CR1: variants seen among roughly 807,000 people sequenced by gnomAD.
CR1 encodes the protein complement C3b/C4b receptor 1 (Knops blood group).
In CR1, 116 loss-of-function variants were observed where a neutral mutation model predicts 187.3. The ratio of observed to expected loss-of-function variants is 0.62; its 90% confidence interval spans 0.53 to 0.72. The LOEUF (loss-of-function observed/expected upper bound fraction) is 0.72, where lower values mean the gene tolerates loss of function less well. CR1 is among the 30% of genes least tolerant of loss of function. The pLI is 0.00. For synonymous variants in CR1, 576 were observed against 747.1 expected (o/e 0.77, Z 3.73); for missense variants, 1,731 against 2,110.7 (o/e 0.82, Z 3.52).
intron 27 of CR1, among the ~76,000 whole-genome samples, chr1:207,574,074 A>C (rs938330670): frequency 3.3e-5 from 5 of 152,210 alleles, no homozygotes; most frequent in African/African-American, 1.2e-4. Flanking sequence ...CTGAGGCTTC[A>C]GTGAGCCTTG....
rs555364798 is a variant in CR1, at chr1:207,564,899, G to T, written c.3866+665G>T. Among the ~76,000 whole-genome samples the T allele has an allele frequency of 6.0e-5, 9 of 150,442 alleles. No individual in the cohort carries two copies. In the East Asian group the frequency reaches 1.7e-3, roughly 29 times the overall value. On this transcript the variant is annotated intron_variant, in intron 23 of 46. Coordinates refer to ENST00000367049, the MANE Select transcript of CR1 (RefSeq NM_000651.6). ...TGAAAAGCTTATTATTAAAAGCTAG[G>T]ATCCTTTAAGAATCATTTCAGTAAA...
At chr1:207,613,097 C>A (rs1221048764) in intron 39 of CR1, among the ~76,000 whole-genome samples, 1 of 152,062 alleles carries the variant, frequency 6.6e-6, no homozygotes, top group African/African-American at 2.4e-5. Flanking sequence ...TTTGTACCTG[C>A]GTTTGGTGGG....
intron 35 of CR1, among the ~76,000 whole-genome samples, chr1:207,590,501 A>G (rs560627779): frequency 8.1e-4 from 123 of 152,354 alleles, no homozygotes; most frequent in Non-Finnish European, 1.5e-3. Flanking sequence ...AGCCACTGCA[A>G]AAACATACCA....
At chr1:207,523,247 T>C (rs1660053165) in intron 4 of CR1, among the ~76,000 whole-genome samples, 1 of 152,204 alleles carries the variant, frequency 6.6e-6, no homozygotes, top group Non-Finnish European at 1.5e-5. Flanking sequence ...TTGTATTTTA[T>C]TTTTCTAAAA....
At chr1:207,619,621 C>T (rs771906279) in intron 42 of CR1, among the ~76,000 whole-genome samples, 1 of 152,188 alleles carries the variant, frequency 6.6e-6, no homozygotes, top group East Asian at 1.9e-4. Context: ...AATCTTTCCA[C>T]AGCTTTCCAG....
intron 45 of CR1, among the ~76,000 whole-genome samples, 154 bp downstream of exon 45, chr1:207,623,222 G>A (rs1662367126): frequency 6.6e-6 from 1 of 152,010 alleles, no homozygotes; most frequent in South Asian, 2.1e-4. Context: ...AGACAAAGAG[G>A]TATTCACACT....
In CR1 at chr1:207,568,040, T is replaced by C; in HGVS notation, c.4169T>C (p.Leu1390Pro). ...WSSPAPRCGI[L>P]GHCQAPDHFL... ...AGCCCTGCCCCTCGCTGTGGAATTC[T>C]GGGTTAGTGCTCATTTCCCCACATC... Residue 1390 changes from leucine to proline, a missense_variant and splice_region_variant, in exon 25 of 47, where the codon CTG becomes CCG. Leu to Pro is a moderately conservative substitution (Grantham distance 98). This residue lies in a region of CR1 where 1,312 missense variants were observed against 1,379.6 expected (regional missense o/e 0.95). Transcript: ENST00000367049. 1 of 1,610,812 alleles carries C rather than the reference T, an allele frequency of 6.2e-7. No homozygotes were observed. Among genetic ancestry groups the C allele is most frequent in the Non-Finnish European group, 8.5e-7 (1 of 1,179,634 alleles).
chr1:207,615,197 T>G (rs753273157), intron 40 of CR1, among the ~76,000 whole-genome samples: 43 of 152,206 alleles, frequency 2.8e-4, no homozygotes, highest in Non-Finnish European at 5.4e-4. Context: ...ACATAGGGCT[T>G]CCCATGTGCC....
chr1:207,618,907 T>A (rs1430816372), intron 42 of CR1, among the ~76,000 whole-genome samples: 1 of 146,982 alleles, frequency 6.8e-6, no homozygotes, highest in Non-Finnish European at 1.5e-5. Context: ...TGGGTGGTGG[T>A]GCGCGCCTAT....
chr1:207,588,854 C>A, intron 35 of CR1, 80 bp downstream of exon 35: 1 of 927,688 alleles, frequency 1.1e-6, no homozygotes, highest in South Asian at 1.6e-5. Context: ...GATAGACAAA[C>A]TAAACTATTG....
Position 207,511,576 on chromosome 1 carries a change from C to T in CR1, c.409C>T (p.Leu137Phe), listed in dbSNP as rs374701486. 41 of 1,613,158 alleles carry T rather than the reference C, an allele frequency of 2.5e-5. No homozygotes were observed. The highest frequency in any genetic ancestry group is 3.4e-5 in the Non-Finnish European group (40 of 1,179,448). Residue 137 changes from leucine (L) to phenylalanine (F), a missense_variant, in exon 4 of 47, where the codon CTC (leucine) becomes TTC (phenylalanine). Transcript: ENST00000367049. ...CTTATTTTTTGCCTCTAGATACCGACTCATTGGTTCCTCGTCTGCCACATG... is the reference window on the plus strand; with the variant it reads ...CTTATTTTTTGCCTCTAGATACCGATTCATTGGTTCCTCGTCTGCCACATG... ...IKYSCTKGYR[L>F]IGSSSATCII...
intron 46 of CR1, among the ~76,000 whole-genome samples, chr1:207,635,662 G>A (rs559622470): frequency 3.3e-5 from 5 of 152,126 alleles, no homozygotes; most frequent in African/African-American, 1.2e-4. Flanking sequence ...GACCCTTTAC[G>A]GGTGTCAGGC....
At chr1:207,623,587 A>AACACACAC (rs55918544) in intron 45 of CR1, among the ~76,000 whole-genome samples, 3 of 144,130 alleles carry the variant, frequency 2.1e-5, no homozygotes, top group Non-Finnish European at 4.5e-5. Context: ...TACATCTCAA[A>AACACACAC]ACACACACAC....
intron 3 of CR1, 122 bp from the exon 4 acceptor site, chr1:207,511,447 C>G (rs760704992): frequency 5.0e-5 from 44 of 884,062 alleles, no homozygotes; most frequent in Admixed American, 1.6e-4. Flanking sequence ...GATAGATAGT[C>G]CTTTGATGAG....
At chr1:207,621,003 G>A (rs895392085) in intron 43 of CR1, among the ~76,000 whole-genome samples, 2 of 152,206 alleles carry the variant, frequency 1.3e-5, no homozygotes, top group East Asian at 1.9e-4. Flanking sequence ...GCCAGGTATG[G>A]TGGCTCATGC....
At chr1:207,598,528 T>A (rs1661513609) in intron 35 of CR1, among the ~76,000 whole-genome samples, 2 of 152,052 alleles carry the variant, frequency 1.3e-5, no homozygotes, top group African/African-American at 4.8e-5. Flanking sequence ...CAAGCCATTA[T>A]CCTGCCTCAG....
intron 3 of CR1, among the ~76,000 whole-genome samples, chr1:207,507,895 G>A (rs1659493309): frequency 6.6e-6 from 1 of 152,134 alleles, no homozygotes; most frequent in South Asian, 2.1e-4. Context: ...ATGTCCTTTA[G>A]CAAGGGAATG....
chr1:207,617,587 A>G lies in CR1; in HGVS notation c.6890-484A>G, dbSNP rs1219399718. Among the ~76,000 whole-genome samples the G allele has an allele frequency of 2.5e-3, 103 of 41,024 alleles. 1 individual carries two copies. Among genetic ancestry groups the G allele is most frequent in the East Asian group, 6.8e-3 (9 of 1,330 alleles). 26.9% of individuals were successfully genotyped at this position (41,024 alleles called of 152,430 possible). A position where few individuals can be genotyped will look rare whatever the true frequency, so the allele number is the denominator to read the frequency against. ...TATATATGTGTGTGTGTATATATAT[A>G]TATATATATATATATATATATATAT... On this transcript the variant is annotated intron_variant, in intron 41 of 46. Coordinates refer to ENST00000367049, the MANE Select transcript of CR1 (RefSeq NM_000651.6).
chr1:207,512,743 C>A (rs968032425), intron 4 of CR1, among the ~76,000 whole-genome samples: 1 of 152,074 alleles, frequency 6.6e-6, no homozygotes, highest in African/African-American at 2.4e-5. Context: ...TATTTGAAAT[C>A]TGTAATAAAC....
Sources: gnomAD v4.1 joint callset for allele counts (sites outside exome capture counted in the v4.1 genomes callset) on GRCh38, gnomAD v4.1.1 for gene constraint, gnomAD v4.1.1 regional missense constraint, MANE v1.5 for transcripts, NCBI Gene and HGNC (gene_info 2026-07-23, HGNC 2026-07-21) for gene names.